The following NFIA variants were observed in gnomAD, a reference collection of about 807,000 sequenced individuals.
NFIA encodes the protein nuclear factor I A.
In NFIA, 8 loss-of-function variants were observed where a neutral mutation model predicts 62.8. The observed-to-expected ratio is 0.13, with a 90% confidence interval of 0.07 to 0.23. The LOEUF (loss-of-function observed/expected upper bound fraction) is 0.23, where lower values mean the gene tolerates loss of function less well. Ranked by LOEUF, NFIA falls within the 10% of genes least tolerant of loss-of-function variation. NFIA has a pLI of 1.00. For missense variants in NFIA, 410 were observed against 642.1 expected (o/e 0.64, Z 3.91); for synonymous variants, 235 against 238.1 (o/e 0.99, Z 0.12).
intron 3 of NFIA, 37 bp downstream of exon 3, chr1:61,277,622 A>G (rs776446134): frequency 1.7e-5 from 27 of 1,605,596 alleles, no homozygotes; most frequent in African/African-American, 1.3e-5. Context: ...CTGCTTTCAG[A>G]GTCCACAGCA....
At chr1:61,401,802 T>A (rs2474386) in intron 7 of NFIA, among the ~76,000 whole-genome samples, 46,472 of 151,934 alleles carry the variant, frequency 0.31, 7,465 homozygotes, top group East Asian at 0.57. Flanking sequence ...AACTAGTGAC[T>A]ATTCCATCAG....
At chr1:61,137,194 T>C (rs1049614133) in intron 2 of NFIA, among the ~76,000 whole-genome samples, 2 of 152,236 alleles carry the variant, frequency 1.3e-5, no homozygotes, top group African/African-American at 4.8e-5. Flanking sequence ...AAGCCCACAG[T>C]AGCCAAATGG....
chr1:61,383,106 C>A, intron 6 of NFIA, 131 bp from the exon 7 acceptor site: 1 of 1,171,612 alleles, frequency 8.5e-7, no homozygotes, highest in Non-Finnish European at 1.2e-6. Flanking sequence ...AAGCAATTCA[C>A]AACATCTTTT....
intron 2 of NFIA, among the ~76,000 whole-genome samples, chr1:61,215,298 G>T (rs1653544597): frequency 6.6e-6 from 1 of 152,108 alleles, no homozygotes; most frequent in African/African-American, 2.4e-5. Flanking sequence ...GAAAATTCTA[G>T]TGGGACCATG....
intron 2 of NFIA, among the ~76,000 whole-genome samples, chr1:61,262,415 T>C (rs1377273141): frequency 6.6e-6 from 1 of 152,222 alleles, no homozygotes; most frequent in Non-Finnish European, 1.5e-5. Flanking sequence ...TGAAAGTCCT[T>C]ATAAATATGT....
intron 10 of NFIA, among the ~76,000 whole-genome samples, chr1:61,434,766 TC>T (rs1667256250): frequency 2.0e-5 from 3 of 152,102 alleles, no homozygotes; most frequent in Non-Finnish European, 4.4e-5. Flanking sequence ...TCTTCTTGCT[TC>T]CTTTTTTTTA....
chr1:61,404,100 G>A lies in NFIA; in HGVS notation c.1076-4G>A. 1 of 1,613,542 alleles carries A rather than the reference G, an allele frequency of 6.2e-7. No homozygotes were observed. Among genetic ancestry groups the A allele is most frequent in the Non-Finnish European group, 8.5e-7 (1 of 1,179,656 alleles). On this transcript the variant is annotated splice_polypyrimidine_tract_variant and splice_region_variant and intron_variant, in intron 7 of 10. Transcript: ENST00000403491. ...CATAACCCTGATGTTTTCTTTTCCT[G>A]CAGCAAGTCCGCATGCAACACCATC...
intron 2 of NFIA, among the ~76,000 whole-genome samples, chr1:61,254,383 C>T (rs920428457): frequency 1.3e-5 from 2 of 152,236 alleles, no homozygotes; most frequent in African/African-American, 4.8e-5. Context: ...TTACACAGGT[C>T]TGTAGTTAGC....
chr1:61,101,499 A>T (rs899096245), intron 2 of NFIA, among the ~76,000 whole-genome samples: 1 of 152,070 alleles, frequency 6.6e-6, no homozygotes, highest in East Asian at 1.9e-4. Context: ...GCATCCTTCT[A>T]GTAATGCTGA....
At chr1:61,328,485 G>C (rs911133733) in intron 3 of NFIA, among the ~76,000 whole-genome samples, 2 of 151,676 alleles carry the variant, frequency 1.3e-5, no homozygotes, top group African/African-American at 4.8e-5. Flanking sequence ...GCAATGGCAC[G>C]ATCTCGGCTC....
At chr1:61,346,405 C>G (rs1662229758) in intron 4 of NFIA, among the ~76,000 whole-genome samples, 1 of 152,178 alleles carries the variant, frequency 6.6e-6, no homozygotes, top group African/African-American at 2.4e-5. Context: ...CCTTCCACAA[C>G]TTTTATTAGT....
At chr1:61,329,114 C>T (rs1322169379) in intron 3 of NFIA, among the ~76,000 whole-genome samples, 2 of 146,840 alleles carry the variant, frequency 1.4e-5, no homozygotes, top group African/African-American at 5.1e-5. Flanking sequence ...GTGGCGCGAT[C>T]TTGGCTCGCT....
At chr1:61,199,683 T>G (rs937485378) in intron 2 of NFIA, among the ~76,000 whole-genome samples, 3 of 151,738 alleles carry the variant, frequency 2.0e-5, no homozygotes, top group African/African-American at 7.3e-5. Flanking sequence ...GTATGCTAAG[T>G]TTTGGTGATG....
chr1:61,441,323 G>C (rs572430594), intron 10 of NFIA, among the ~76,000 whole-genome samples: 29 of 149,950 alleles, frequency 1.9e-4, no homozygotes, highest in African/African-American at 7.3e-4. Flanking sequence ...GTGTGTGTGT[G>C]TGTGTGTGTG....
chr1:61,395,640 C>T (rs1203311704), intron 7 of NFIA, among the ~76,000 whole-genome samples: 2 of 152,204 alleles, frequency 1.3e-5, no homozygotes, highest in Non-Finnish European at 2.9e-5. Context: ...AACCATCACT[C>T]TAAATATTTC....
chr1:61,336,240 T>C (rs1001890824), intron 4 of NFIA, among the ~76,000 whole-genome samples: 1 of 152,216 alleles, frequency 6.6e-6, no homozygotes, highest in Non-Finnish European at 1.5e-5. Flanking sequence ...TTTTAGCTTA[T>C]TAATTTGTGC....
chr1:61,240,618 T>C (rs1481223706), intron 2 of NFIA, among the ~76,000 whole-genome samples: 1 of 152,130 alleles, frequency 6.6e-6, no homozygotes, highest in Non-Finnish European at 1.5e-5. Flanking sequence ...GAAAGTGTTA[T>C]TTATTTCAGT....
intron 4 of NFIA, among the ~76,000 whole-genome samples, chr1:61,336,212 CTTG>C (rs1198880445): frequency 6.6e-6 from 1 of 151,684 alleles, no homozygotes; most frequent in African/African-American, 2.4e-5. Context: ...ATAATCAGTT[CTTG>C]TTGATTTGAT....
chr1:61,143,480 C>T (rs1425515954), intron 2 of NFIA, among the ~76,000 whole-genome samples: 1 of 152,074 alleles, frequency 6.6e-6, no homozygotes, highest in Non-Finnish European at 1.5e-5. Flanking sequence ...ACCTCTGACC[C>T]CCAGGTTCAA....
Sources: gnomAD v4.1 joint callset for allele counts (sites outside exome capture counted in the v4.1 genomes callset) on GRCh38, gnomAD v4.1.1 for gene constraint, MANE v1.5 for transcripts, NCBI Gene and HGNC (gene_info 2026-07-23, HGNC 2026-07-21) for gene names.